Variants in ITGB6 observed in about 807,000 individuals in gnomAD.
ITGB6 encodes the protein integrin beta-6.
In ITGB6, 80 loss-of-function variants were observed where a neutral mutation model predicts 84.5. The ratio of observed to expected loss-of-function variants is 0.95; its 90% CI spans 0.79 to 1.14. The LOEUF is 1.14. Among genes scored for constraint, ITGB6 ranks in the 50% most tolerant of loss-of-function variants. The pLI, the probability that ITGB6 is intolerant of heterozygous loss-of-function variation, is 0.00. For missense variants in ITGB6, 1,006 were observed against 968.0 expected, an observed-to-expected ratio of 1.04 and a Z score of -0.52; for synonymous variants, 383 against 354.9, an observed-to-expected ratio of 1.08 and a Z score of -0.89.
intron 3 of ITGB6, 68 bp from the exon 4 acceptor site, chr2:160,195,683 G>C (rs137902693): frequency 6.4e-7 from 1 of 1,553,780 alleles, no homozygotes; most frequent in African/African-American, 1.4e-5. Flanking sequence ...CTGGCCACTC[G>C]CTGGGTCAGC....
intron 7 of ITGB6, among the ~76,000 whole-genome samples, chr2:160,163,631 C>CAAA (rs11335168): frequency 7.2e-6 from 1 of 137,980 alleles, no homozygotes. Flanking sequence ...GACTTTGTCT[C>CAAA]AAAAAAAAAA....
chr2:160,189,617 T>G (rs980033928), intron 4 of ITGB6, among the ~76,000 whole-genome samples: 3 of 152,176 alleles, frequency 2.0e-5, no homozygotes, highest in Non-Finnish European at 2.9e-5. Context: ...TCATCATCAC[T>G]GGCCATCAGA....
chr2:160,180,792 C>T (rs1015905685), intron 4 of ITGB6, among the ~76,000 whole-genome samples: 1 of 152,158 alleles, frequency 6.6e-6, no homozygotes, highest in African/African-American at 2.4e-5. Context: ...AGGTACCCAG[C>T]TCATCTCACT....
At chr2:160,173,043 C>CA (rs550453746) in intron 5 of ITGB6, among the ~76,000 whole-genome samples, 399 of 152,040 alleles carry the variant, frequency 2.6e-3, no homozygotes, top group Non-Finnish European at 3.7e-3. Context: ...TTCAATTCTC[C>CA]AAAAAAATTG....
chr2:160,107,947 G>T, intron 13 of ITGB6, 102 bp from the exon 14 acceptor site: 1 of 976,172 alleles, frequency 1.0e-6, no homozygotes, highest in Non-Finnish European at 1.5e-6. Flanking sequence ...TGCAGCAGAG[G>T]ATAAATATTG....
rs1276839648 is a variant in ITGB6, at chr2:160,182,110, CA to C, written c.594-7972del. Among the ~76,000 whole-genome samples, 8 of 152,270 alleles carry C rather than the reference CA, an allele frequency of 5.3e-5. No individual in the cohort carries two copies. The East Asian group carries it at 1.5e-3, about 29-fold the overall frequency. On this transcript the variant is annotated intron_variant, in intron 4 of 14. Transcript: ENST00000283249. ...CCTCCAAAGGATTACAACTCCTCGC[CA>C]GCAAGAGATCAAAACTGGACAGAGA... is the stretch of plus-strand genomic sequence containing the variant.
At chr2:160,136,982 C>A (rs1206608427) in intron 10 of ITGB6, among the ~76,000 whole-genome samples, 1 of 150,298 alleles carries the variant, frequency 6.7e-6, no homozygotes, top group Non-Finnish European at 1.5e-5. Flanking sequence ...AGCACACCAA[C>A]ATGGCACATG....
intron 7 of ITGB6, 55 bp downstream of exon 7, chr2:160,169,157 A>T: frequency 1.0e-6 from 1 of 995,424 alleles, no homozygotes; most frequent in Non-Finnish European, 1.5e-6. Flanking sequence ...GTTAATGTTA[A>T]AGTTTCATGT....
intron 4 of ITGB6, among the ~76,000 whole-genome samples, chr2:160,180,471 T>C (rs1685621364): frequency 6.6e-6 from 1 of 152,184 alleles, no homozygotes; most frequent in African/African-American, 2.4e-5. Context: ...AACTTTTATT[T>C]TATGTTTAGA....
At chr2:160,141,469 A>G (rs1683996826) in intron 8 of ITGB6, among the ~76,000 whole-genome samples, 1 of 152,196 alleles carries the variant, frequency 6.6e-6, no homozygotes, top group African/African-American at 2.4e-5. Flanking sequence ...CCTACTCATA[A>G]ACCAGTGGAA....
In ITGB6 at chr2:160,163,372, C is replaced by T. The variant is rs1684888348; in HGVS notation, c.1017+5840G>A. On this transcript the variant is annotated intron_variant, in intron 7 of 14. Coordinates refer to ENST00000283249, the MANE Select transcript of ITGB6 (RefSeq NM_000888.5). ...CTTGACCAGGAGCAGTGCCTCACAC[C>T]TGTAATTCCAGCATTTTGGGAAGTC... Among the ~76,000 whole-genome samples the T allele has an allele frequency of 2.6e-5, 4 of 152,176 alleles. No homozygotes were observed. The South Asian group carries it at 8.3e-4, about 32-fold the overall frequency.
At chr2:160,171,480 G>A (rs189910707) in intron 6 of ITGB6, among the ~76,000 whole-genome samples, 2 of 152,030 alleles carry the variant, frequency 1.3e-5, no homozygotes, top group East Asian at 3.9e-4. Context: ...GACTACAGGC[G>A]CCCACCACCA....
chr2:160,126,683 G>T (rs1429388900), intron 10 of ITGB6, 82 bp from the exon 11 acceptor site: 18 of 1,305,468 alleles, frequency 1.4e-5, no homozygotes, highest in Non-Finnish European at 1.8e-5. Context: ...TTTTCTCTTT[G>T]TCTTTAAGCA....
intron 11 of ITGB6, among the ~76,000 whole-genome samples, chr2:160,125,444 A>G (rs1373705230): frequency 3.3e-5 from 5 of 152,208 alleles, no homozygotes. Context: ...AACACCTTGA[A>G]GGGACATTTT....
At position 160,186,074 on chromosome 2, in the gene ITGB6, G is replaced by A. The variant is rs577495106; in HGVS notation, c.593+9295C>T. On this transcript the variant is annotated intron_variant, in intron 4 of 14. Coordinates refer to ENST00000283249, the MANE Select transcript of ITGB6 (RefSeq NM_000888.5). ...ACATAGGCATGGGCAAAGACTTCATGATTAAAACACCAAAAGCCATGGCAA... is the reference window on the plus strand; with the variant it reads ...ACATAGGCATGGGCAAAGACTTCATAATTAAAACACCAAAAGCCATGGCAA... 5.9e-5 allele frequency among the ~76,000 whole-genome samples: 9 copies of A among 152,256 alleles called. No homozygotes were observed. The East Asian group carries it at 1.7e-3, about 29-fold the overall frequency.
chr2:160,139,831 T>G (rs1260603329), intron 8 of ITGB6, among the ~76,000 whole-genome samples: 1 of 152,194 alleles, frequency 6.6e-6, no homozygotes, highest in Non-Finnish European at 1.5e-5. Context: ...GAACTTATCC[T>G]TGGGATTGCT....
At chr2:160,197,071 G>A (rs549106028) in intron 2 of ITGB6, among the ~76,000 whole-genome samples, 17 of 152,216 alleles carry the variant, frequency 1.1e-4, no homozygotes, top group African/African-American at 4.1e-4. Context: ...CCAGAGTCTT[G>A]AAGTATCCTA....
At position 160,128,678 on chromosome 2, in the gene ITGB6, G is replaced by A. The variant is rs78809216; in HGVS notation, c.1661-2077C>T. ...GGAGGGTTGAGGGAAGAGACAGAGG[G>A]ATGGAATTCTCCCCCAGGTGACTAG... On this transcript the variant is annotated intron_variant, in intron 10 of 14. Transcript: ENST00000283249. Among the ~76,000 whole-genome samples the A allele has an allele frequency of 2.4e-3, 373 of 152,256 alleles. 3 individuals carry two copies. The highest frequency in any genetic ancestry group is 8.3e-3 in the African/African-American group (343 of 41,542).
At chr2:160,157,547 T>C (rs976578332) in intron 7 of ITGB6, among the ~76,000 whole-genome samples, 1 of 152,158 alleles carries the variant, frequency 6.6e-6, no homozygotes, top group African/African-American at 2.4e-5. Flanking sequence ...TTTAAGATAA[T>C]AATGCTGTAT....
Sources: allele counts gnomAD v4.1 joint callset (sites outside exome capture counted in the v4.1 genomes callset), GRCh38; gene constraint gnomAD v4.1.1; transcripts MANE v1.5; gene names NCBI Gene and HGNC (gene_info 2026-07-23, HGNC 2026-07-21).